The following BRWD1 variants were observed in gnomAD, a reference collection of about 807,000 sequenced individuals.
The protein encoded by BRWD1 is bromodomain and WD repeat domain containing 1.
In BRWD1, 82 loss-of-function variants were observed where a neutral mutation model predicts 251.2. The observed-to-expected ratio is 0.33, with a 90% CI of 0.27 to 0.39. The LOEUF (loss-of-function observed/expected upper bound fraction) is 0.39. Among genes scored for constraint, BRWD1 ranks in the 10% least tolerant of loss-of-function variants. BRWD1 has a pLI of 1.00. For missense variants in BRWD1, 2,233 were observed against 2,711.6 expected, an observed-to-expected ratio of 0.82 and a Z score of 3.92; for synonymous variants, 918 against 902.8, an observed-to-expected ratio of 1.02 and a Z score of -0.30.
intron 17 of BRWD1, among the ~76,000 whole-genome samples, chr21:39,263,610 C>T (rs979726986): frequency 1.3e-5 from 2 of 151,990 alleles, no homozygotes; most frequent in Admixed American, 6.6e-5. Context: ...ATACATATGA[C>T]GCAATGAGGG....
rs1359640925 is a variant in BRWD1 at position 39,243,987 on chromosome 21, T to C, written c.2481+3714A>G. Among the ~76,000 whole-genome samples the C allele has an allele frequency of 9.2e-5, 14 of 151,882 alleles. No homozygotes were observed. In the East Asian group the frequency reaches 2.7e-3, roughly 29 times the overall value. ...TGACAGATAGGAGGCATTCAATAAA[T>C]TTTTTTTTAAGTTTAATTTCCCCAA... On this transcript the variant is annotated intron_variant, in intron 21 of 40. Coordinates refer to ENST00000342449, the MANE Select transcript of BRWD1 (RefSeq NM_033656.4).
intron 4 of BRWD1, among the ~76,000 whole-genome samples, chr21:39,301,004 CTG>C (rs2146771125): frequency 6.6e-6 from 1 of 152,240 alleles, no homozygotes; most frequent in East Asian, 1.9e-4. Context: ...CGGTAAAACC[CTG>C]TCTCTACTAA....
chr21:39,248,641 C>CAAAAAAAAAAAAAAAAAAAA (rs375430016), intron 20 of BRWD1, among the ~76,000 whole-genome samples: 2 of 83,300 alleles, frequency 2.4e-5, no homozygotes, highest in East Asian at 4.0e-4. Context: ...CCCTATCTCC[C>CAAAAAAAAAAAAAAAAAAAA]AAAAAAAAAA....
intron 25 of BRWD1, 109 bp downstream of exon 25, chr21:39,232,068 G>T: frequency 1.0e-6 from 1 of 981,374 alleles, no homozygotes; most frequent in Non-Finnish European, 1.5e-6. Flanking sequence ...TATCAAGTAG[G>T]AAAGAAAGTA....
At chr21:39,248,925 A>T (rs988767277) in intron 20 of BRWD1, among the ~76,000 whole-genome samples, 2 of 152,200 alleles carry the variant, frequency 1.3e-5, no homozygotes, top group Non-Finnish European at 2.9e-5. Flanking sequence ...TGTTCACTGC[A>T]GCACTATTCA....
chr21:39,218,414 A>T, intron 30 of BRWD1, 91 bp downstream of exon 30: 2 of 1,438,670 alleles, frequency 1.4e-6, no homozygotes, highest in Non-Finnish European at 1.9e-6. Flanking sequence ...TGTAGAAAAG[A>T]ACAGAAACCT....
chr21:39,198,692 A>G (rs2031948489), intron 40 of BRWD1, 71 bp downstream of exon 40: 2 of 1,391,030 alleles, frequency 1.4e-6, no homozygotes, highest in African/African-American at 1.5e-5. Flanking sequence ...TCGGGGGGAA[A>G]AAACCAATGT....
At chr21:39,296,431 C>T (rs2035964063) in intron 5 of BRWD1, 68 bp from the exon 6 acceptor site, 2 of 1,450,072 alleles carry the variant, frequency 1.4e-6, no homozygotes, top group Non-Finnish European at 9.1e-7. Flanking sequence ...TTATAGAATA[C>T]TTACGTATAT....
chr21:39,305,459 G>C (rs1349450117), intron 4 of BRWD1, among the ~76,000 whole-genome samples: 2 of 152,148 alleles, frequency 1.3e-5, no homozygotes, highest in Non-Finnish European at 2.9e-5. Flanking sequence ...AGGCACAGTA[G>C]TTCACACCTG....
Position 39,188,037 on chromosome 21 carries a change from G to GCTCT in BRWD1, c.*8218_*8221dup. On this transcript the variant is annotated 3_prime_UTR_variant, in exon 41 of 41. Transcript: ENST00000342449. ...AGAGGGGGCTTGAAATCACACTGGA[G>GCTCT]CTCTACACAGCCACATGATGCCAGA... 1 of 985,362 alleles carries GCTCT rather than the reference G, an allele frequency of 1.0e-6. No individual in the cohort carries two copies. The highest frequency in any genetic ancestry group is 1.2e-6 in the Non-Finnish European group (1 of 829,894). 61.0% of individuals were successfully genotyped at this position (985,362 alleles called of 1,614,324 possible).
At chr21:39,294,065 G>A (rs764559519) in intron 7 of BRWD1, 33 bp from the exon 8 acceptor site, 2 of 1,550,694 alleles carry the variant, frequency 1.3e-6, no homozygotes, top group Admixed American at 3.4e-5. Flanking sequence ...ATTAATGTTA[G>A]TACAGCAAAT....
At position 39,312,599 on chromosome 21, in the gene BRWD1, C is replaced by G; in HGVS notation, c.198+242G>C. ...TGGAGCCCCACCCCTGCCGCAGGAC[C>G]TCCGCGAGTCGCCCCCACCGCTCCG... On this transcript the variant is annotated intron_variant, in intron 4 of 40. Transcript: ENST00000342449. 1.4e-5 allele frequency: 5 copies of G among 363,904 alleles called. 1 individual carries two copies. The Admixed American group carries it at 2.4e-4, about 18-fold the overall frequency. The allele number at this position is 363,904 out of a possible 1,614,324, so 22.5% of individuals were successfully genotyped here. A position where few individuals can be genotyped will look rare whatever the true frequency, so the allele number is the denominator to read the frequency against.
Position 39,195,856 on chromosome 21 carries a change from G to A in BRWD1, c.*403C>T. On this transcript the variant is annotated 3_prime_UTR_variant, in exon 41 of 41. Coordinates refer to ENST00000342449, the MANE Select transcript of BRWD1 (RefSeq NM_033656.4). ...ATCTGTAAACATAGGTTGTGAAATT[G>A]TTGTAACTACTATAGAACAGGGGTT... 3.0e-6 allele frequency: 3 copies of A among 989,674 alleles called. No individual in the cohort carries two copies. Among genetic ancestry groups the A allele is most frequent in the Non-Finnish European group, 3.6e-6 (3 of 832,914 alleles). 61.3% of individuals were successfully genotyped at this position (989,674 alleles called of 1,614,324 possible). A position where few individuals can be genotyped will look rare whatever the true frequency, so the allele number is the denominator to read the frequency against.
rs1255589448 is a variant in BRWD1 at position 39,232,514 on chromosome 21, G to C, written c.2767-16C>G. The stretch of plus-strand genomic sequence containing the variant: ...TCCGCAAATTCTACCAAGGGGAAGA[G>C]AACAAAGTTTCTTAGATTAGAAAGG... On this transcript the variant is annotated splice_polypyrimidine_tract_variant and intron_variant, in intron 23 of 40. Coordinates refer to ENST00000342449, the MANE Select transcript of BRWD1 (RefSeq NM_033656.4). 6.3e-7 allele frequency: 1 copy of C among 1,579,608 alleles called. No homozygotes were observed. The highest frequency in any genetic ancestry group is 8.5e-7 in the Non-Finnish European group (1 of 1,172,086).
rs145980372 is a variant in BRWD1 at position 39,199,925 on chromosome 21, T to C, written c.4754-263A>G. 2.9e-3 allele frequency among the ~76,000 whole-genome samples: 448 copies of C among 152,276 alleles called. 6 individuals carry two copies. The highest frequency in any genetic ancestry group is 0.01 in the African/African-American group (422 of 41,550). On this transcript the variant is annotated intron_variant, in intron 39 of 40. Coordinates refer to ENST00000342449, the MANE Select transcript of BRWD1 (RefSeq NM_033656.4). ...GTCACCATGCCTGGCTAATTTTTTG[T>C]ATTTTTAGTAGAGACAAGGCTTCGC...
At chr21:39,317,452 A>G (rs2063014801), upstream of BRWD1, among the ~76,000 whole-genome samples, 2 of 152,256 alleles carry the variant, frequency 1.3e-5, no homozygotes, top group African/African-American at 4.8e-5. Context: ...CTTAGATGTC[A>G]TTGATAGGCT....
chr21:39,285,955 T>G (rs1244722318), intron 8 of BRWD1, among the ~76,000 whole-genome samples: 1 of 150,358 alleles, frequency 6.7e-6, no homozygotes, highest in Non-Finnish European at 1.5e-5. Flanking sequence ...TCTTCCTGTA[T>G]GCTCACTCAT....
chr21:39,260,855 A>G (rs191011742), intron 17 of BRWD1, among the ~76,000 whole-genome samples: 6 of 152,304 alleles, frequency 3.9e-5, no homozygotes, highest in South Asian at 2.1e-4. Flanking sequence ...GCAGGACTGA[A>G]TATCAGAGGA....
At chr21:39,281,838 A>G (rs1211378567) in intron 8 of BRWD1, among the ~76,000 whole-genome samples, 1 of 151,972 alleles carries the variant, frequency 6.6e-6, no homozygotes, top group African/African-American at 2.4e-5. Flanking sequence ...ACTGCACTCC[A>G]GCCGGGACAA....
Sources: gnomAD v4.1 joint callset for allele counts (sites outside exome capture counted in the v4.1 genomes callset) on GRCh38, gnomAD v4.1.1 for gene constraint, MANE v1.5 for transcripts, NCBI Gene and HGNC (gene_info 2026-07-23, HGNC 2026-07-21) for gene names.